Variants in CAPN6 observed in about 807,000 individuals in gnomAD.
CAPN6 encodes calpain-6.
In CAPN6, 16 loss-of-function variants were observed where a neutral mutation model predicts 46.0. That is an observed-to-expected ratio of 0.35 (90% CI 0.24 to 0.53). The LOEUF is 0.53. Ranked by LOEUF, CAPN6 falls within the 20% of genes least tolerant of loss-of-function variation. CAPN6 has a pLI of 0.94. For synonymous variants in CAPN6, 206 were observed against 172.8 expected, an observed-to-expected ratio of 1.19 and a Z score of -1.51; for missense variants, 461 against 498.0, an observed-to-expected ratio of 0.93 and a Z score of 0.71.
chrX:111,256,864 T>A (rs186985205), intron 2 of CAPN6, among the ~76,000 whole-genome samples: 5 of 101,373 alleles, frequency 4.9e-5, no homozygotes, highest in Admixed American at 3.2e-4. Flanking sequence ...CCCACAACAT[T>A]CCATTTCCTC....
rs1265757870 is a variant in CAPN6 at position 111,256,465 on chromosome X, A to G, written c.166-2062T>C. Among the ~76,000 whole-genome samples the G allele has an allele frequency of 4.4e-5, 5 of 112,525 alleles. No homozygotes were observed. The Admixed American group carries it at 4.7e-4, about 11-fold the overall frequency. ...TCATAGTTTCCTAACATGGAAAAACAATAAAGTGAACACTGATATATGAAA... is the reference window on the plus strand; with the variant it reads ...TCATAGTTTCCTAACATGGAAAAACGATAAAGTGAACACTGATATATGAAA... On this transcript the variant is annotated intron_variant, in intron 2 of 12. Coordinates refer to ENST00000324068, the MANE Select transcript of CAPN6 (RefSeq NM_014289.4).
At chrX:111,248,908 C>G in intron 9 of CAPN6, 27 bp downstream of exon 9, 1 of 1,210,927 alleles carries the variant, frequency 8.3e-7, no homozygotes, top group Non-Finnish European at 1.1e-6. Context: ...TGCCTTCATT[C>G]TCTCTGCCCC....
chrX:111,253,325 A>G (rs2094981228), intron 3 of CAPN6, 109 bp from the exon 4 acceptor site: 1 of 593,226 alleles, frequency 1.7e-6, no homozygotes, highest in East Asian at 3.3e-5. Context: ...AGCATGCCAC[A>G]TACACCTGGT....
intron 6 of CAPN6, 90 bp from the exon 7 acceptor site, chrX:111,251,376 G>T: frequency 1.0e-6 from 1 of 984,347 alleles, no homozygotes; most frequent in South Asian, 2.1e-5. Context: ...GAAACAGAGT[G>T]CATGAGGATC....
intron 2 of CAPN6, among the ~76,000 whole-genome samples, chrX:111,260,532 C>T (rs1188057096): frequency 8.9e-6 from 1 of 112,632 alleles, no homozygotes; most frequent in Non-Finnish European, 1.9e-5. Context: ...GGATCTCAAC[C>T]TTGCCAATGA....
In CAPN6 at chrX:111,263,768, T is replaced by C; in HGVS notation, c.165+4A>G. On this transcript the variant is annotated splice_donor_region_variant and intron_variant, in intron 2 of 12. Transcript: ENST00000324068. ...GAGACAGAATGTGTAAAATAGAAAG[T>C]TACCTGGGGACGTTTCCACACCACC... The C allele has an allele frequency of 8.3e-7, 1 of 1,198,152 alleles. No homozygotes were observed. Among genetic ancestry groups the C allele is most frequent in the Non-Finnish European group, 1.1e-6 (1 of 888,156 alleles).
chrX:111,254,256 A>G lies in CAPN6; in HGVS notation c.297+16T>C, dbSNP rs764027346. 2.5e-5 allele frequency: 30 copies of G among 1,183,400 alleles called. No homozygotes were observed. Among genetic ancestry groups the G allele is most frequent in the Admixed American group, 4.5e-5 (2 of 44,487 alleles). ...GAAAGTGGAAACTGAATGAGGTCCC[A>G]CAGGAGGGATAATACCTTTGTCCAA... On this transcript the variant is annotated intron_variant, in intron 3 of 12. Transcript: ENST00000324068.
chrX:111,270,342 G>A (rs1045115543), intron 1 of CAPN6, 29 bp downstream of exon 1: 1 of 309,271 alleles, frequency 3.2e-6, no homozygotes, highest in Non-Finnish European at 6.3e-6. Context: ...AAACTCCAGG[G>A]TAAGTTTGCG....
chrX:111,251,026 C>T lies in CAPN6; in HGVS notation c.1049G>A (p.Arg350Gln), dbSNP rs777349721. The change falls in exon 8 of 13, where the codon CGA becomes CAA. Residue 350 changes from arginine to glutamine, a missense_variant. Coordinates refer to ENST00000324068, the MANE Select transcript of CAPN6 (RefSeq NM_014289.4). ...TCCCAACACCGATTCCAGCTCCTTT[C>T]GGCCAAAAATAGGGTTGTTCACATT... Reference protein sequence around the residue: ...CRNVNNPIFGRKELESVLGCW... With the variant: ...CRNVNNPIFGQKELESVLGCW... 9.1e-6 allele frequency: 11 copies of T among 1,211,210 alleles called. No individual in the cohort carries two copies. The highest frequency in any genetic ancestry group is 1.8e-5 in the South Asian group (1 of 56,931).
chrX:111,248,834 C>CT, intron 9 of CAPN6, 63 bp from the exon 10 acceptor site: 2 of 1,182,924 alleles, frequency 1.7e-6, no homozygotes, highest in South Asian at 3.6e-5. Context: ...TATGCTCTGT[C>CT]TTTTTTATCC....
chrX:111,261,869 T>C (rs1372854059), intron 2 of CAPN6, among the ~76,000 whole-genome samples: 1 of 111,714 alleles, frequency 9.0e-6, no homozygotes, highest in East Asian at 2.8e-4. Flanking sequence ...TTCTTTACCA[T>C]CTACTTCTTA....
chrX:111,264,089 T>C (rs2094990052), intron 1 of CAPN6, 138 bp from the exon 2 acceptor site: 4 of 390,545 alleles, frequency 1.0e-5, no homozygotes, highest in Non-Finnish European at 1.7e-5. Context: ...TTAAAGGAAA[T>C]GTCACCATTT....
chrX:111,251,027 G>A lies in CAPN6; in HGVS notation c.1048C>T (p.Arg350Ter), dbSNP rs1420988453. The A allele has an allele frequency of 3.3e-6, 4 of 1,209,241 alleles. No homozygotes were observed. The highest frequency in any genetic ancestry group is 4.5e-6 in the Non-Finnish European group (4 of 895,019). ...CCCAACACCGATTCCAGCTCCTTTCGGCCAAAAATAGGGTTGTTCACATTG... is the reference window on the plus strand; with the variant it reads ...CCCAACACCGATTCCAGCTCCTTTCAGCCAAAAATAGGGTTGTTCACATTG... ...CRNVNNPIFG[R>*]KELESVLGCW... Residue 350 changes from arginine to a stop codon, truncating the protein, a stop_gained, in exon 8 of 13, where the codon CGA becomes TGA. Coordinates refer to ENST00000324068, the MANE Select transcript of CAPN6 (RefSeq NM_014289.4). LOFTEE classifies it high-confidence loss of function.
At chrX:111,263,641 A>C (rs1456768255) in intron 2 of CAPN6, 131 bp downstream of exon 2, 1 of 450,370 alleles carries the variant, frequency 2.2e-6, no homozygotes, top group African/African-American at 2.5e-5. Context: ...AGCTGAAAAA[A>C]AAAGAAAGGA....
chrX:111,253,780 A>T (rs913147776), intron 3 of CAPN6, among the ~76,000 whole-genome samples: 45 of 112,563 alleles, frequency 4.0e-4, no homozygotes, highest in African/African-American at 1.3e-3. Context: ...GTCCCAAGTC[A>T]AGTTAACACT....
Position 111,253,286 on chromosome X carries a change from A to G in CAPN6, c.298-70T>C. The G allele has an allele frequency of 1.3e-5, 11 of 855,474 alleles. No individual in the cohort carries two copies. In the South Asian group the frequency reaches 2.2e-4, roughly 17 times the overall value. The allele number at this position is 855,474 out of a possible 1,213,427, so 70.5% of individuals were successfully genotyped here. A position where few individuals can be genotyped will look rare whatever the true frequency, so the allele number is the denominator to read the frequency against. On this transcript the variant is annotated intron_variant, in intron 3 of 12. Transcript: ENST00000324068. ...CATCCAGAAACTGAGATTACAGTTT[A>G]CTCCTGGCAAATCTACAGGGCAACA... is the stretch of plus-strand genomic sequence containing the variant.
chrX:111,246,626 C>T lies in CAPN6; in HGVS notation c.1877G>A (p.Gly626Asp). ...GGAAATAACCTTGAAGCTGATGTGGCCTTGCTTGACTTTGGCAGTTGGACC... is the reference window on the plus strand; with the variant it reads ...GGAAATAACCTTGAAGCTGATGTGGTCTTGCTTGACTTTGGCAGTTGGACC... ...KGGPTAKVKQGHISFKVISSD... is the reference protein window; with the variant it reads ...KGGPTAKVKQDHISFKVISSD... The change falls in exon 13 of 13, where the codon GGC becomes GAC. Residue 626 changes from glycine to aspartate, a missense_variant. Gly to Asp is a moderately conservative substitution (Grantham distance 94). Coordinates refer to ENST00000324068, the MANE Select transcript of CAPN6 (RefSeq NM_014289.4). 1 of 1,211,106 alleles carries T rather than the reference C, an allele frequency of 8.3e-7. No individual in the cohort carries two copies. Among genetic ancestry groups the T allele is most frequent in the Non-Finnish European group, 1.1e-6 (1 of 895,108 alleles).
chrX:111,264,647 A>G (rs187162252), intron 1 of CAPN6, among the ~76,000 whole-genome samples: 1 of 110,118 alleles, frequency 9.1e-6, no homozygotes, highest in African/African-American at 3.3e-5. Flanking sequence ...ATTCAATTAC[A>G]CTAATTTGGT....
rs2094973527 is a variant in CAPN6 at position 111,245,398 on chromosome X, G to A, written c.*1179C>T. On this transcript the variant is annotated 3_prime_UTR_variant, in exon 13 of 13. Coordinates refer to ENST00000324068, the MANE Select transcript of CAPN6 (RefSeq NM_014289.4). ...GAAAGTTGATAGGTTAAGATGGAGG[G>A]AAGTACATTTCATAATGACTGACTC... 9.0e-6 allele frequency: 1 copy of A among 111,037 alleles called. No homozygotes were observed. The highest frequency in any genetic ancestry group is 1.9e-5 in the Non-Finnish European group (1 of 52,983). 9.2% of individuals were successfully genotyped at this position (111,037 alleles called of 1,213,427 possible).
Sources: allele counts gnomAD v4.1 joint callset (sites outside exome capture counted in the v4.1 genomes callset), GRCh38; gene constraint gnomAD v4.1.1; transcripts MANE v1.5; gene names NCBI Gene and HGNC (gene_info 2026-07-23, HGNC 2026-07-21).